Variants in UTRN observed in about 807,000 individuals in gnomAD.
UTRN encodes dystrophin-related protein 1.
UTRN carries 283 observed loss-of-function variants against 463.9 expected under a neutral mutation model. The ratio of observed to expected loss-of-function variants is 0.61; its 90% CI spans 0.55 to 0.67. The LOEUF (loss-of-function observed/expected upper bound fraction) is 0.67, where lower values mean the gene tolerates loss of function less well. UTRN is among the 30% of genes least tolerant of loss of function. The probability of loss-of-function intolerance (pLI) is 0.00; values close to 1 mark genes in which losing one functional copy is unlikely to be tolerated. For missense variants in UTRN, 3,922 were observed against 4,084.3 expected, an observed-to-expected ratio of 0.96 and a Z score of 1.08; for synonymous variants, 1,442 against 1,431.5, an observed-to-expected ratio of 1.01 and a Z score of -0.17.
chr6:144,384,271 G>T (rs536224262), intron 2 of UTRN, among the ~76,000 whole-genome samples: 2 of 152,102 alleles, frequency 1.3e-5, no homozygotes, highest in East Asian at 3.9e-4. Context: ...CACACAGCAG[G>T]GGGTGAGCGG....
intron 52 of UTRN, among the ~76,000 whole-genome samples, chr6:144,695,185 C>G (rs1783863060): frequency 6.6e-6 from 1 of 151,776 alleles, no homozygotes; most frequent in African/African-American, 2.4e-5. Flanking sequence ...ATCATAATAA[C>G]AGCTAATATT....
At chr6:144,521,327 G>C (rs1034995212) in intron 39 of UTRN, among the ~76,000 whole-genome samples, 2 of 152,098 alleles carry the variant, frequency 1.3e-5, no homozygotes, top group African/African-American at 2.4e-5. Context: ...AAAGCTCTGA[G>C]AAGAGGATCC....
chr6:144,298,066 T>C (rs1416429958), intron 2 of UTRN, among the ~76,000 whole-genome samples: 1 of 152,180 alleles, frequency 6.6e-6, no homozygotes, highest in Non-Finnish European at 1.5e-5. Flanking sequence ...TCTAAAGCAA[T>C]GGAGAAAGGG....
chr6:144,438,160 G>A (rs1786771716), intron 11 of UTRN, among the ~76,000 whole-genome samples: 1 of 152,158 alleles, frequency 6.6e-6, no homozygotes, highest in Admixed American at 6.5e-5. Context: ...TAGCTACTTG[G>A]GAGGTTGAGG....
At chr6:144,779,949 A>T (rs990312830) in intron 60 of UTRN, among the ~76,000 whole-genome samples, 2 of 88,022 alleles carry the variant, frequency 2.3e-5, no homozygotes, top group Admixed American at 1.7e-4. Context: ...TTATCTCTTT[A>T]AAAAAAAAAA....
intron 48 of UTRN, among the ~76,000 whole-genome samples, chr6:144,551,574 A>G (rs1434584755): frequency 6.6e-6 from 1 of 152,236 alleles, no homozygotes; most frequent in African/African-American, 2.4e-5. Flanking sequence ...ATGAGAGAAA[A>G]CAACAACAAA....
At chr6:144,485,237 T>C in intron 27 of UTRN, 148 bp from the exon 28 acceptor site, 3 of 1,237,610 alleles carry the variant, frequency 2.4e-6, no homozygotes, top group Non-Finnish European at 3.3e-6. Context: ...TTTATTTTAT[T>C]TTTTTGAAGT....
At chr6:144,535,779 T>C (rs1797474651) in intron 43 of UTRN, among the ~76,000 whole-genome samples, 1 of 152,036 alleles carries the variant, frequency 6.6e-6, no homozygotes, top group South Asian at 2.1e-4. Flanking sequence ...ACCTGCAGAG[T>C]TATTTCTTCC....
intron 53 of UTRN, among the ~76,000 whole-genome samples, chr6:144,729,758 C>T (rs900887484): frequency 6.6e-6 from 1 of 152,152 alleles, no homozygotes; most frequent in South Asian, 2.1e-4. Context: ...AAAAACCTCA[C>T]AAAAGAAAAA....
intron 50 of UTRN, among the ~76,000 whole-genome samples, chr6:144,559,868 G>A (rs1392329266): frequency 1.3e-5 from 2 of 152,152 alleles, no homozygotes; most frequent in Non-Finnish European, 2.9e-5. Context: ...GCTCAGAGAA[G>A]TTAAGTGACA....
At chr6:144,532,091 C>T (rs759075690) in intron 42 of UTRN, among the ~76,000 whole-genome samples, 61 of 152,130 alleles carry the variant, frequency 4.0e-4, no homozygotes, top group African/African-American at 1.3e-3. Context: ...GAGCCAAGAT[C>T]GTGCCACTGC....
intron 64 of UTRN, among the ~76,000 whole-genome samples, chr6:144,799,020 G>A (rs1227521677): frequency 1.3e-5 from 2 of 152,228 alleles, no homozygotes; most frequent in East Asian, 1.9e-4. Flanking sequence ...GATTACAGGC[G>A]TGAGCCGCCA....
chr6:144,597,109 A>T (rs995920875), intron 51 of UTRN, among the ~76,000 whole-genome samples: 1 of 152,090 alleles, frequency 6.6e-6, no homozygotes, highest in African/African-American at 2.4e-5. Context: ...GTGGTGGCAC[A>T]TGCCTGTAGT....
chr6:144,548,544 A>G (rs1798619069), intron 46 of UTRN, 96 bp from the exon 47 acceptor site: 1 of 1,211,976 alleles, frequency 8.3e-7, no homozygotes, highest in East Asian at 2.6e-5. Context: ...CTTAAACTAA[A>G]TTTTATTTAA....
rs760291704 is a variant in UTRN at position 144,806,586 on chromosome 6, T to A, written c.9357+3439T>A. Among the ~76,000 whole-genome samples the A allele has an allele frequency of 4.8e-4, 49 of 102,168 alleles. 9 individuals carry two copies. Among genetic ancestry groups the A allele is most frequent in the Admixed American group, 9.1e-5 (1 of 10,948 alleles). The allele number at this position is 102,168 out of a possible 152,430, so 67.0% of individuals were successfully genotyped here. A position where few individuals can be genotyped will look rare whatever the true frequency, so the allele number is the denominator to read the frequency against. The stretch of plus-strand genomic sequence containing the variant: ...TATTGTAGCATTAATGTCTTTCCAT[T>A]CATTCTCTGAAGCCACAGAGAAAGA... On this transcript the variant is annotated intron_variant, in intron 65 of 74. Transcript: ENST00000367545.
chr6:144,804,345 A>G (rs1777958168), intron 65 of UTRN, among the ~76,000 whole-genome samples: 1 of 152,214 alleles, frequency 6.6e-6, no homozygotes, highest in Non-Finnish European at 1.5e-5. Context: ...AATCTCCCCA[A>G]GAAAATTTGT....
intron 69 of UTRN, among the ~76,000 whole-genome samples, chr6:144,833,172 G>A (rs921994159): frequency 2.6e-4 from 40 of 151,912 alleles, no homozygotes; most frequent in Admixed American, 3.9e-4. Flanking sequence ...TATTTTTATC[G>A]TAACACCTGA....
chr6:144,403,157 C>G lies in UTRN; in HGVS notation c.114C>G (p.Thr38=), dbSNP rs1308169709. The G allele has an allele frequency of 6.2e-7, 1 of 1,613,338 alleles. No homozygotes were observed. Among genetic ancestry groups the G allele is most frequent in the Admixed American group, 1.7e-5 (1 of 59,952 alleles). ...ATGACGTACAGAAGAAAACCTTTAC[C>G]AAATGGATAAATGCTCGATTTTCAA... ...EHNDVQKKTF[T]KWINARFSKS... is the part of the protein sequence containing the mutation. Residue 38 remains threonine (T), a synonymous_variant, in exon 3 of 75, where the codon ACC becomes ACG. Transcript: ENST00000367545.
intron 51 of UTRN, among the ~76,000 whole-genome samples, chr6:144,634,780 A>G (rs1776926713): frequency 6.6e-6 from 1 of 152,074 alleles, no homozygotes; most frequent in Non-Finnish European, 1.5e-5. Flanking sequence ...ATAGTGCTTT[A>G]ATGACTGTCT....
Sources: allele counts gnomAD v4.1 joint callset (sites outside exome capture counted in the v4.1 genomes callset), GRCh38; gene constraint gnomAD v4.1.1; transcripts MANE v1.5; gene names NCBI Gene and HGNC (gene_info 2026-07-23, HGNC 2026-07-21).